The following PIK3CD variants were observed in gnomAD, a reference collection of about 807,000 sequenced individuals.
PIK3CD encodes phosphatidylinositol 4,5-bisphosphate 3-kinase catalytic subunit delta isoform.
A neutral mutation model predicts 122.9 loss-of-function variants in PIK3CD; 20 were observed. The ratio of observed to expected loss-of-function variants is 0.16; its 90% CI spans 0.11 to 0.24. The LOEUF (loss-of-function observed/expected upper bound fraction) is 0.24. Ranked by LOEUF, PIK3CD falls within the 10% of genes least tolerant of loss-of-function variation. PIK3CD has a pLI of 1.00. For missense variants in PIK3CD, 787 were observed against 1,406.3 expected (o/e 0.56, Z 7.04); for synonymous variants, 596 against 593.4 (o/e 1.00, Z -0.06).
Position 9,722,712 on chromosome 1 carries a change from GA to G in PIK3CD, c.2426+109del. 1.0e-6 allele frequency: 1 copy of G among 984,680 alleles called. No individual in the cohort carries two copies. Among genetic ancestry groups the G allele is most frequent in the South Asian group, 1.3e-5 (1 of 75,154 alleles). 61.0% of individuals were successfully genotyped at this position (984,680 alleles called of 1,614,324 possible). A position where few individuals can be genotyped will look rare whatever the true frequency, so the allele number is the denominator to read the frequency against. ...AGGTGGCATGACCATCTCAGCCGGG[GA>G]AAGGGCTTTCCTAGGAAGACCCGGA... is the stretch of plus-strand genomic sequence containing the variant. On this transcript the variant is annotated intron_variant, in intron 19 of 23. Coordinates refer to ENST00000377346, the MANE Select transcript of PIK3CD (RefSeq NM_005026.5). This position sits in a 1 kb window ranked among gnomAD's most constrained non-coding sequence, Gnocchi z 7.6.
chr1:9,724,958 G>C lies in PIK3CD; in HGVS notation c.2997+22G>C. ...CAAGGTATGTGCCGGGCAGGAGACT[G>C]CTGTCGCCAGTGGACTTCCAAGGCC... is the stretch of plus-strand genomic sequence containing the variant. On this transcript the variant is annotated intron_variant, in intron 23 of 23. Transcript: ENST00000377346. This position sits in a 1 kb window ranked among gnomAD's most constrained non-coding sequence, Gnocchi z 7.3. 6.2e-7 allele frequency: 1 copy of C among 1,612,976 alleles called. No homozygotes were observed. Among genetic ancestry groups the C allele is most frequent in the Middle Eastern group, 1.6e-4 (1 of 6,062 alleles).
intron 2 of PIK3CD, among the ~76,000 whole-genome samples, chr1:9,693,464 C>T (rs1288035439): frequency 3.3e-5 from 5 of 151,894 alleles, no homozygotes; most frequent in Non-Finnish European, 7.4e-5. Context: ...AACTCCTGAC[C>T]TCAAGGGATC....
chr1:9,689,722 G>T lies in PIK3CD; in HGVS notation c.-137-1745G>T, dbSNP rs1646123430. Among the ~76,000 whole-genome samples the T allele has an allele frequency of 6.6e-6, 1 of 151,508 alleles. No homozygotes were observed. Among genetic ancestry groups the T allele is most frequent in the Non-Finnish European group, 1.5e-5 (1 of 67,768 alleles). On this transcript the variant is annotated intron_variant, in intron 1 of 23. Transcript: ENST00000377346. The surrounding 1 kb of genome is among the most constrained non-coding windows in gnomAD (Gnocchi z 6.1). ...GCCCCGCCCCCGGCAGCGACACCCGGTACGGAGCCCACCTGTGCGGGCGTC... is the reference window on the plus strand; with the variant it reads ...GCCCCGCCCCCGGCAGCGACACCCGTTACGGAGCCCACCTGTGCGGGCGTC...
In PIK3CD at chr1:9,727,239, C is replaced by T. The variant is rs1302239093; in HGVS notation, c.*193C>T. ...GGAGCTAAACAGCCATAAACGGAAA[C>T]GCCTCCTTCATGCAGCGGCGGTGCT... On this transcript the variant is annotated 3_prime_UTR_variant, in exon 24 of 24. Transcript: ENST00000377346. The T allele has an allele frequency of 1.2e-5, 8 of 679,708 alleles. No homozygotes were observed. The highest frequency in any genetic ancestry group is 5.1e-5 in the Admixed American group (2 of 39,430). 42.1% of individuals were successfully genotyped at this position (679,708 alleles called of 1,614,324 possible). A position where few individuals can be genotyped will look rare whatever the true frequency, so the allele number is the denominator to read the frequency against.
rs1647953544 is a variant in PIK3CD at position 9,718,640 on chromosome 1, G to A, written c.1021-54G>A. On this transcript the variant is annotated intron_variant, in intron 8 of 23. Transcript: ENST00000377346. This position sits in a 1 kb window ranked among gnomAD's most constrained non-coding sequence, Gnocchi z 7.2. ...GGGAGACTGACACCTTAAGGGGGAG[G>A]GGAGAGGGGCTGGGCCTCTGCCTCC... is the stretch of plus-strand genomic sequence containing the variant. 1 of 1,506,842 alleles carries A rather than the reference G, an allele frequency of 6.6e-7. No individual in the cohort carries two copies. The highest frequency in any genetic ancestry group is 1.4e-5 in the African/African-American group (1 of 73,058). The allele number at this position is 1,506,842 out of a possible 1,614,324, so 93.3% of individuals were successfully genotyped here. A position where few individuals can be genotyped will look rare whatever the true frequency, so the allele number is the denominator to read the frequency against.
At chr1:9,648,162 C>G (rs1305003520), upstream of PIK3CD, among the ~76,000 whole-genome samples, 1 of 152,190 alleles carries the variant, frequency 6.6e-6, no homozygotes, top group Non-Finnish European at 1.5e-5. Context: ...CATCTGCCTG[C>G]TGCTTCTTAA....
chr1:9,722,711 G>T lies in PIK3CD; in HGVS notation c.2426+105G>T. 1.0e-6 allele frequency: 1 copy of T among 986,428 alleles called. No individual in the cohort carries two copies. Among genetic ancestry groups the T allele is most frequent in the Non-Finnish European group, 1.6e-6 (1 of 625,592 alleles). The allele number at this position is 986,428 out of a possible 1,614,324, so 61.1% of individuals were successfully genotyped here. ...AAGGTGGCATGACCATCTCAGCCGG[G>T]GAAAGGGCTTTCCTAGGAAGACCCG... On this transcript the variant is annotated intron_variant, in intron 19 of 23. Transcript: ENST00000377346. The surrounding 1 kb of genome is among the most constrained non-coding windows in gnomAD (Gnocchi z 7.6).
intron 2 of PIK3CD, among the ~76,000 whole-genome samples, chr1:9,698,424 G>T (rs149686050): frequency 6.6e-6 from 1 of 152,232 alleles, no homozygotes; most frequent in African/African-American, 2.4e-5. Context: ...TTACAGGCGT[G>T]AGCCACCATG....
At chr1:9,694,731 G>A (rs1016053673) in intron 2 of PIK3CD, among the ~76,000 whole-genome samples, 17 of 152,208 alleles carry the variant, frequency 1.1e-4, no homozygotes, top group African/African-American at 3.9e-4. Context: ...GGGAGGCTGA[G>A]GCAGGAGGAT....
chr1:9,666,327 G>GC (rs540773280), intron 1 of PIK3CD, among the ~76,000 whole-genome samples: 9 of 125,952 alleles, frequency 7.1e-5, no homozygotes, highest in East Asian at 2.6e-4. Context: ...TGCAACCTCT[G>GC]CCCCCCCAGG....
the PIK3CD span, among the ~76,000 whole-genome samples, chr1:9,642,655 C>T: frequency 4.0e-5 from 6 of 149,340 alleles, no homozygotes; most frequent in Non-Finnish European, 5.9e-5. Context: ...AGGCGGAGCT[C>T]GCAATGAGCT....
At chr1:9,721,323 TG>T in intron 14 of PIK3CD, 75 bp downstream of exon 14, 1 of 1,610,586 alleles carries the variant, frequency 6.2e-7, no homozygotes, top group Non-Finnish European at 8.5e-7. Context: ...GGGCTCTGGG[TG>T]GGGCCTGAAC....
chr1:9,703,401 G>A (rs748568551), intron 2 of PIK3CD, among the ~76,000 whole-genome samples: 4 of 152,084 alleles, frequency 2.6e-5, no homozygotes, highest in South Asian at 2.1e-4. Context: ...GAACCACTTG[G>A]ACTGAGTGTG....
At chr1:9,653,654 G>A in intron 1 of PIK3CD, 1 of 483,610 alleles carries the variant, frequency 2.1e-6, no homozygotes, top group Non-Finnish European at 3.7e-6. Flanking sequence ...GTTGAGTGGG[G>A]CGGAAGGTTC....
Position 9,716,090 on chromosome 1 carries a change from C to T in PIK3CD, c.600+12C>T, listed in dbSNP as rs762287686. On this transcript the variant is annotated intron_variant, in intron 5 of 23. Coordinates refer to ENST00000377346, the MANE Select transcript of PIK3CD (RefSeq NM_005026.5). ...TTGAGGGCAGCGAGGTGAGCCCATG[C>T]GTGGCCTGCGGCATCCAGGCTGCTC... is the stretch of plus-strand genomic sequence containing the variant. 10 of 1,601,116 alleles carry T rather than the reference C, an allele frequency of 6.2e-6. No homozygotes were observed. The highest frequency in any genetic ancestry group is 2.2e-5 in the East Asian group (1 of 44,704).
At chr1:9,647,487 T>A (rs1451747878), upstream of PIK3CD, among the ~76,000 whole-genome samples, 1 of 140,272 alleles carries the variant, frequency 7.1e-6, no homozygotes, top group Non-Finnish European at 1.5e-5. Context: ...TTCTAATTAT[T>A]ATTATTATTA....
intron 1 of PIK3CD, chr1:9,654,485 A>ACCCC (rs55851927): frequency 0.46 from 579,047 of 1,256,308 alleles, 146,432 homozygotes; most frequent in East Asian, 0.92. Flanking sequence ...TGGTTGTGCG[A>ACCCC]AAGCCAGCCC....
In PIK3CD at chr1:9,720,045, G is replaced by A. The variant is rs112499261; in HGVS notation, c.1339+28G>A. 58 of 1,613,412 alleles carry A rather than the reference G, an allele frequency of 3.6e-5. No individual in the cohort carries two copies. In the African/African-American group the frequency reaches 4.9e-4, roughly 14 times the overall value. ...CGGCCCAGGCCCAGGAGGGAGAGGC[G>A]TTGGGAGTGTGAGGGTCCCAGAGAT... On this transcript the variant is annotated intron_variant, in intron 10 of 23. Coordinates refer to ENST00000377346, the MANE Select transcript of PIK3CD (RefSeq NM_005026.5). This position sits in a 1 kb window ranked among gnomAD's most constrained non-coding sequence, Gnocchi z 9.0.
intron 5 of PIK3CD, 48 bp from the exon 6 acceptor site, chr1:9,716,392 C>A: frequency 6.3e-7 from 1 of 1,588,884 alleles, no homozygotes; most frequent in Non-Finnish European, 8.6e-7. Context: ...TGCCCCAGAA[C>A]CCCGGGGGGC....
Sources: gnomAD v4.1 joint callset for allele counts (sites outside exome capture counted in the v4.1 genomes callset) on GRCh38, gnomAD v4.1.1 for gene constraint, Gnocchi (gnomAD v3.1) non-coding constraint, MANE v1.5 for transcripts, NCBI Gene and HGNC (gene_info 2026-07-23, HGNC 2026-07-21) for gene names.